The following CARS2 variants were observed in gnomAD, a reference collection of about 807,000 sequenced individuals.
CARS2 encodes the protein probable cysteine--tRNA ligase, mitochondrial.
CARS2 carries 52 observed loss-of-function variants against 68.8 expected under a neutral mutation model. The ratio of observed to expected loss-of-function variants is 0.76; its 90% CI spans 0.61 to 0.95. The LOEUF (loss-of-function observed/expected upper bound fraction) is 0.95. Ranked by LOEUF, CARS2 falls within the 40% of genes least tolerant of loss-of-function variation. CARS2 has a pLI of 0.00. For synonymous variants in CARS2, 314 were observed against 303.6 expected, an observed-to-expected ratio of 1.03 and a Z score of -0.36; for missense variants, 780 against 754.2, an observed-to-expected ratio of 1.03 and a Z score of -0.40.
upstream of CARS2, chr13:110,707,214 C>G (rs2063981003): frequency 6.6e-6 from 1 of 152,074 alleles, no homozygotes; most frequent in Admixed American, 6.5e-5. Context: ...CACCCCAATA[C>G]AGTGTGCACC....
Position 110,706,080 on chromosome 13 carries a change from G to A in CARS2, c.14C>T (p.Thr5Met), listed in dbSNP as rs1188284885. The stretch of plus-strand genomic sequence containing the variant: ...CGGGGGGCCCAGGCCTGGGCCGCGC[G>A]TAGTCCTCAACATGTCAGCGGCCAG... MLRT[T>M]RGPGLGPPLL... The change falls in exon 1 of 15, where the codon ACG becomes ATG. Residue 5 changes from threonine to methionine, a missense_variant. Transcript: ENST00000257347. 3.0e-6 allele frequency: 4 copies of A among 1,330,088 alleles called. No homozygotes were observed. The highest frequency in any genetic ancestry group is 3.9e-5 in the South Asian group (2 of 51,124). The allele number at this position is 1,330,088 out of a possible 1,614,324, so 82.4% of individuals were successfully genotyped here.
chr13:110,642,290 T>C (rs762666073), intron 14 of CARS2, 25 bp downstream of exon 14: 36 of 1,537,060 alleles, frequency 2.3e-5, no homozygotes, highest in Non-Finnish European at 3.2e-5. Flanking sequence ...TGGGGTGATG[T>C]CCCTGACCTT....
chr13:110,674,869 TCAAA>T (rs1384789455), intron 7 of CARS2, among the ~76,000 whole-genome samples: 1 of 151,616 alleles, frequency 6.6e-6, no homozygotes, highest in Non-Finnish European at 1.5e-5. Flanking sequence ...CAAGAAAAAA[TCAAA>T]CAACCCCATC....
At chr13:110,689,762 C>A (rs968158288) in intron 3 of CARS2, among the ~76,000 whole-genome samples, 1 of 152,138 alleles carries the variant, frequency 6.6e-6, no homozygotes, top group Admixed American at 6.5e-5. Flanking sequence ...ACACTTCAGC[C>A]CCTCTCCTGC....
intron 2 of CARS2, among the ~76,000 whole-genome samples, chr13:110,704,200 T>A (rs1356627187): frequency 6.6e-6 from 1 of 152,220 alleles, no homozygotes; most frequent in Admixed American, 6.5e-5. Flanking sequence ...AGGATGAGAT[T>A]TCTTTCTGTC....
Position 110,653,369 on chromosome 13 carries a change from G to T in CARS2, c.988-2269C>A, listed in dbSNP as rs183725071. On this transcript the variant is annotated intron_variant, in intron 9 of 14. Transcript: ENST00000257347. The surrounding 1 kb of genome is among the most constrained non-coding windows in gnomAD (Gnocchi z 5.6). The stretch of plus-strand genomic sequence containing the variant: ...TCCTGGGTCCTCTAATTCGCAACTC[G>T]CAGGCTTACTTGACACCCTCCCTCA... 6.6e-6 allele frequency among the ~76,000 whole-genome samples: 1 copy of T among 152,074 alleles called. No individual in the cohort carries two copies. The highest frequency in any genetic ancestry group is 6.6e-5 in the Admixed American group (1 of 15,264).
intron 2 of CARS2, among the ~76,000 whole-genome samples, chr13:110,704,678 T>G (rs1230980806): frequency 6.6e-6 from 1 of 151,954 alleles, no homozygotes; most frequent in Non-Finnish European, 1.5e-5. Context: ...AGGCAGAGGT[T>G]GCAGTGAGCC....
intron 2 of CARS2, among the ~76,000 whole-genome samples, chr13:110,703,678 T>G (rs1566361051): frequency 6.6e-6 from 1 of 152,220 alleles, no homozygotes; most frequent in Non-Finnish European, 1.5e-5. Context: ...AATAAACCTC[T>G]TGGCAGTTTT....
chr13:110,642,289 G>C, intron 14 of CARS2, 26 bp downstream of exon 14: 1 of 1,534,198 alleles, frequency 6.5e-7, no homozygotes, highest in Non-Finnish European at 8.8e-7. Flanking sequence ...CTGGGGTGAT[G>C]TCCCTGACCT....
At chr13:110,704,629 C>T (rs1008006519) in intron 2 of CARS2, among the ~76,000 whole-genome samples, 1 of 152,048 alleles carries the variant, frequency 6.6e-6, no homozygotes, top group Non-Finnish European at 1.5e-5. Context: ...GAGGCTGAGG[C>T]AGGAGAATTG....
At chr13:110,641,840 C>T (rs1041688548) in intron 14 of CARS2, among the ~76,000 whole-genome samples, 2 of 152,220 alleles carry the variant, frequency 1.3e-5, no homozygotes, top group South Asian at 2.1e-4. Context: ...CTCAGCGTCC[C>T]CTGCAGCCAA....
At chr13:110,650,172 A>G (rs925904574) in intron 10 of CARS2, 1 of 152,128 alleles carries the variant, frequency 6.6e-6, no homozygotes, top group Non-Finnish European at 1.5e-5. Context: ...ATCATGGCTC[A>G]CTGCAGCCTC....
At chr13:110,704,119 A>G (rs1030381661) in intron 2 of CARS2, among the ~76,000 whole-genome samples, 3 of 152,256 alleles carry the variant, frequency 2.0e-5, no homozygotes, top group African/African-American at 7.2e-5. Flanking sequence ...TTTATAAGTC[A>G]TCCATTTTAG....
At chr13:110,658,529 T>TA (rs1482063866) in intron 9 of CARS2, among the ~76,000 whole-genome samples, 1 of 151,922 alleles carries the variant, frequency 6.6e-6, no homozygotes, top group Non-Finnish European at 1.5e-5. Flanking sequence ...TTAACCACAT[T>TA]AAAAAAAACC....
At chr13:110,650,818 G>A in intron 10 of CARS2, 1 of 509,562 alleles carries the variant, frequency 2.0e-6, no homozygotes, top group Non-Finnish European at 3.5e-6. Flanking sequence ...ACTCGAGCTT[G>A]ACGAGGAAGC....
chr13:110,682,616 A>G (rs1460476541), intron 6 of CARS2, among the ~76,000 whole-genome samples: 1 of 152,228 alleles, frequency 6.6e-6, no homozygotes, highest in Non-Finnish European at 1.5e-5. Flanking sequence ...TTTTGACCTA[A>G]TAACTCCCTG....
chr13:110,680,395 AAAACAAAC>A (rs567202238), intron 6 of CARS2, among the ~76,000 whole-genome samples: 3 of 152,186 alleles, frequency 2.0e-5, no homozygotes, highest in African/African-American at 7.2e-5. Flanking sequence ...TCCGTCTCAA[AAAACAAAC>A]AAACAAACAA....
intron 3 of CARS2, among the ~76,000 whole-genome samples, chr13:110,690,554 C>T (rs1004021391): frequency 1.3e-5 from 2 of 152,214 alleles, no homozygotes; most frequent in Admixed American, 6.5e-5. Context: ...TTCAAGGTGG[C>T]CTCTACTCCC....
chr13:110,666,376 A>G, intron 8 of CARS2: 1 of 985,378 alleles, frequency 1.0e-6, no homozygotes, highest in Non-Finnish European at 1.2e-6. Flanking sequence ...TAAGTCCTCA[A>G]ACAGCCACGC....
Sources: gnomAD v4.1 joint callset for allele counts (sites outside exome capture counted in the v4.1 genomes callset) on GRCh38, gnomAD v4.1.1 for gene constraint, Gnocchi (gnomAD v3.1) non-coding constraint, MANE v1.5 for transcripts, NCBI Gene and HGNC (gene_info 2026-07-23, HGNC 2026-07-21) for gene names.